The following CREBBP variants were observed in gnomAD, a reference collection of about 807,000 sequenced individuals.
CREBBP encodes CREB binding lysine acetyltransferase.
A neutral mutation model predicts 265.0 loss-of-function variants in CREBBP; 19 were observed. The observed-to-expected ratio is 0.07, with a 90% CI of 0.05 to 0.11. CREBBP has a LOEUF of 0.11. Among genes scored for constraint, CREBBP ranks in the 10% least tolerant of loss-of-function variants. The pLI is 1.00. For missense variants in CREBBP, 2,525 were observed against 3,219.0 expected (o/e 0.78, Z 5.22); for synonymous variants, 1,457 against 1,223.7 (o/e 1.19, Z -3.98).
intron 20 of CREBBP, among the ~76,000 whole-genome samples, chr16:3,750,479 G>A (rs954236179): frequency 2.6e-5 from 4 of 152,212 alleles, no homozygotes; most frequent in East Asian, 1.9e-4. Context: ...TCAGTCTGAC[G>A]AAAAGAGGGA....
rs576451422 is a variant in CREBBP at position 3,848,607 on chromosome 16, T to G, written c.798+1690A>C. ...TCTCTTTGGGGTCCTCAGTAATTGT[T>G]AAGATTATTCAGGAGTCTTGAGATT... On this transcript the variant is annotated intron_variant, in intron 2 of 30. Transcript: ENST00000262367. Among the ~76,000 whole-genome samples, 4 of 152,330 alleles carry G rather than the reference T, an allele frequency of 2.6e-5. No individual in the cohort carries two copies. In the East Asian group the frequency reaches 7.7e-4, roughly 29 times the overall value.
At position 3,730,353 on chromosome 16, in the gene CREBBP, C is replaced by T. The variant is rs570963079; in HGVS notation, c.5173-479G>A. Among the ~76,000 whole-genome samples, 9 of 152,272 alleles carry T rather than the reference C, an allele frequency of 5.9e-5. No individual in the cohort carries two copies. The South Asian group carries it at 1.0e-3, about 18-fold the overall frequency. Reference sequence around the variant, plus strand: ...CAGACAGTGAAAGGCTGAGGGAGGCCGGTCCCTCCCAAAGCGCCGACAGCT... The same window carrying T: ...CAGACAGTGAAAGGCTGAGGGAGGCTGGTCCCTCCCAAAGCGCCGACAGCT... On this transcript the variant is annotated intron_variant, in intron 30 of 30. Coordinates refer to ENST00000262367, the MANE Select transcript of CREBBP (RefSeq NM_004380.3).
chr16:3,833,798 A>C (rs2054389542), intron 2 of CREBBP, among the ~76,000 whole-genome samples: 1 of 152,204 alleles, frequency 6.6e-6, no homozygotes, highest in Non-Finnish European at 1.5e-5. Flanking sequence ...GACTTCATTA[A>C]AATTAAAACT....
chr16:3,757,196 G>C (rs961881803), intron 19 of CREBBP, 92 bp downstream of exon 19: 4 of 1,148,228 alleles, frequency 3.5e-6, no homozygotes, highest in Non-Finnish European at 5.1e-6. Context: ...ACTTTTTATT[G>C]GAACTTCAGG....
At chr16:3,851,884 A>C (rs1327040864) in intron 1 of CREBBP, among the ~76,000 whole-genome samples, 1 of 136,288 alleles carries the variant, frequency 7.3e-6, no homozygotes, top group Non-Finnish European at 1.6e-5. Context: ...AAAAAAGACA[A>C]AACATTAGCC....
chr16:3,780,016 C>T (rs557929277), intron 8 of CREBBP, among the ~76,000 whole-genome samples: 8 of 151,870 alleles, frequency 5.3e-5, no homozygotes, highest in Admixed American at 3.3e-4. Context: ...CTGAGGTGGA[C>T]GGATCACTTG....
chr16:3,761,503 T>C, intron 16 of CREBBP: 3 of 517,508 alleles, frequency 5.8e-6, no homozygotes, highest in South Asian at 4.2e-5. Flanking sequence ...AGGCTCACTT[T>C]AGAGATGAAA....
chr16:3,817,132 C>T (rs1004977426), intron 2 of CREBBP, among the ~76,000 whole-genome samples: 1 of 152,076 alleles, frequency 6.6e-6, no homozygotes. Context: ...AATGGTGAAA[C>T]GGGTGTGTGT....
At position 3,725,179 on chromosome 16, in the gene CREBBP, G is replaced by T; in HGVS notation, c.*2539C>A. On this transcript the variant is annotated 3_prime_UTR_variant, in exon 31 of 31. Transcript: ENST00000262367. ...AGTATACAGCATGAGACACAGCGTT[G>T]GGGCTTTCCAGGTTTCTTACAGAAA... The T allele has an allele frequency of 4.3e-6, 1 of 233,476 alleles. No individual in the cohort carries two copies. The allele number at this position is 233,476 out of a possible 1,614,324, so 14.5% of individuals were successfully genotyped here.
At chr16:3,841,776 G>C (rs1187354579) in intron 2 of CREBBP, among the ~76,000 whole-genome samples, 1 of 152,202 alleles carries the variant, frequency 6.6e-6, no homozygotes, top group East Asian at 1.9e-4. Flanking sequence ...TTAGAGCACA[G>C]ATTCTCAGAG....
Position 3,804,022 on chromosome 16 carries a change from G to A in CREBBP, c.975+6581C>T, listed in dbSNP as rs148597267. Among the ~76,000 whole-genome samples, 471 of 152,026 alleles carry A rather than the reference G, an allele frequency of 3.1e-3. 5 individuals are homozygous for A. Among genetic ancestry groups the A allele is most frequent in the African/African-American group, 0.011 (447 of 41,454 alleles). ...CGCTTGAGCCTGGGAGGAAGAGGAT[G>A]CAGTGAGCTGAAGACTACACCACTG... On this transcript the variant is annotated intron_variant, in intron 3 of 30. Transcript: ENST00000262367.
chr16:3,738,757 T>G (rs2052132820), intron 25 of CREBBP, 85 bp from the exon 26 acceptor site: 6 of 886,010 alleles, frequency 6.8e-6, no homozygotes, highest in Middle Eastern at 2.1e-4. Context: ...CCTGGAAGTT[T>G]ACTTTTTAGA....
At chr16:3,767,207 C>G (rs2052876429) in intron 16 of CREBBP, 1 of 163,724 alleles carries the variant, frequency 6.1e-6, no homozygotes, top group South Asian at 1.6e-4. Flanking sequence ...TCCCCCATGT[C>G]TCACTACACA....
chr16:3,773,214 G>C (rs2053057607), intron 13 of CREBBP, among the ~76,000 whole-genome samples: 1 of 151,942 alleles, frequency 6.6e-6, no homozygotes, highest in South Asian at 2.1e-4. Context: ...TAACAAAAGA[G>C]GAAAAAAGGA....
intron 2 of CREBBP, among the ~76,000 whole-genome samples, chr16:3,814,096 T>TGAG: frequency 6.6e-6 from 1 of 152,294 alleles, no homozygotes; most frequent in East Asian, 1.9e-4. Context: ...AGGGTGAGTA[T>TGAG]GAGTGTGTGA....
At chr16:3,844,794 A>G (rs1297030815) in intron 2 of CREBBP, among the ~76,000 whole-genome samples, 1 of 152,212 alleles carries the variant, frequency 6.6e-6, no homozygotes, top group Non-Finnish European at 1.5e-5. Flanking sequence ...CATCTTTCCT[A>G]TATTAAAATA....
At chr16:3,813,894 G>C (rs1411926673) in intron 2 of CREBBP, among the ~76,000 whole-genome samples, 1 of 152,200 alleles carries the variant, frequency 6.6e-6, no homozygotes, top group Admixed American at 6.5e-5. Context: ...AGCTGAAGGG[G>C]TGGGGAAGGG....
intron 16 of CREBBP, among the ~76,000 whole-genome samples, chr16:3,763,025 C>T (rs533137910): frequency 9.2e-5 from 14 of 151,774 alleles, no homozygotes; most frequent in African/African-American, 3.1e-4. Context: ...CCGCCCGCCT[C>T]GGCCTCCCAA....
chr16:3,837,508 C>T (rs570343885), intron 2 of CREBBP, among the ~76,000 whole-genome samples: 5 of 151,702 alleles, frequency 3.3e-5, no homozygotes, highest in Admixed American at 6.6e-5. Flanking sequence ...CCCAGCTACT[C>T]GGGAGGCTGA....
Sources: allele counts gnomAD v4.1 joint callset (sites outside exome capture counted in the v4.1 genomes callset), GRCh38; gene constraint gnomAD v4.1.1; transcripts MANE v1.5; gene names NCBI Gene and HGNC (gene_info 2026-07-23, HGNC 2026-07-21).